Variants in KCNH5 observed in about 807,000 individuals in gnomAD.
KCNH5 encodes the protein voltage-gated delayed rectifier potassium channel KCNH5.
KCNH5 carries 46 observed loss-of-function variants against 96.1 expected under a neutral mutation model. That is an observed-to-expected ratio of 0.48 (90% CI 0.38 to 0.61). KCNH5 has a LOEUF of 0.61. Ranked by LOEUF, KCNH5 falls within the 20% of genes least tolerant of loss-of-function variation. The pLI is 0.00. For missense variants in KCNH5, 907 were observed against 1,225.8 expected (o/e 0.74, Z 3.88); for synonymous variants, 439 against 449.8 (o/e 0.98, Z 0.30).
intron 10 of KCNH5, among the ~76,000 whole-genome samples, chr14:62,727,775 TAAAAA>T (rs79827478): frequency 8.6e-6 from 1 of 116,058 alleles, no homozygotes. Context: ...TACAGTCTGG[TAAAAA>T]AAAAAAAAAA....
At chr14:62,928,744 C>T (rs1889523198) in intron 7 of KCNH5, among the ~76,000 whole-genome samples, 1 of 152,050 alleles carries the variant, frequency 6.6e-6, no homozygotes, top group African/African-American at 2.4e-5. Flanking sequence ...GAAACACTTT[C>T]CTCAGCTGAC....
At chr14:62,763,261 C>T (rs1885791383) in intron 10 of KCNH5, among the ~76,000 whole-genome samples, 1 of 152,034 alleles carries the variant, frequency 6.6e-6, no homozygotes, top group Admixed American at 6.5e-5. Flanking sequence ...CATACAATTA[C>T]ATGGAAATTA....
intron 9 of KCNH5, among the ~76,000 whole-genome samples, chr14:62,793,394 A>G (rs549537989): frequency 5.5e-4 from 84 of 151,932 alleles, no homozygotes; most frequent in Middle Eastern, 3.4e-3. Flanking sequence ...GAGTGTTTGC[A>G]TATACACAGA....
chr14:62,903,594 G>T (rs1422139923), intron 7 of KCNH5, among the ~76,000 whole-genome samples: 2 of 152,174 alleles, frequency 1.3e-5, no homozygotes. Context: ...CTTAGCCCGT[G>T]TAGGATGCTG....
chr14:62,950,858 G>A (rs191966421), intron 6 of KCNH5, among the ~76,000 whole-genome samples: 16 of 152,204 alleles, frequency 1.1e-4, no homozygotes, highest in East Asian at 7.7e-4. Flanking sequence ...GAGAGAAACC[G>A]AAGATGAAAA....
chr14:63,020,807 A>C (rs1891412191), intron 1 of KCNH5, among the ~76,000 whole-genome samples: 1 of 152,100 alleles, frequency 6.6e-6, no homozygotes, highest in Non-Finnish European at 1.5e-5. Context: ...TAAAACACAC[A>C]AAGAGGACAA....
At chr14:62,969,942 G>A (rs1941078143) in intron 6 of KCNH5, among the ~76,000 whole-genome samples, 1 of 144,240 alleles carries the variant, frequency 6.9e-6, no homozygotes. Context: ...TGCGCCTGTA[G>A]CATGAGAATC....
chr14:62,794,087 C>G (rs1385972038), intron 9 of KCNH5, among the ~76,000 whole-genome samples: 1 of 151,818 alleles, frequency 6.6e-6, no homozygotes, highest in East Asian at 1.9e-4. Flanking sequence ...GTCCTAAACA[C>G]CTTCCTCATG....
At chr14:62,820,405 G>A (rs1197829648) in intron 8 of KCNH5, among the ~76,000 whole-genome samples, 4 of 150,252 alleles carry the variant, frequency 2.7e-5, no homozygotes, top group African/African-American at 9.9e-5. Flanking sequence ...GGAGTGCAGT[G>A]GGGGTTTGTT....
chr14:62,880,420 A>T (rs1888469286), intron 7 of KCNH5, among the ~76,000 whole-genome samples: 1 of 152,220 alleles, frequency 6.6e-6, no homozygotes, highest in Non-Finnish European at 1.5e-5. Flanking sequence ...TAAGTTTTAA[A>T]ACTTCTTTCA....
At chr14:62,835,056 A>C (rs1282151938) in intron 8 of KCNH5, among the ~76,000 whole-genome samples, 1 of 152,008 alleles carries the variant, frequency 6.6e-6, no homozygotes, top group Non-Finnish European at 1.5e-5. Flanking sequence ...TATAATAAGA[A>C]AATAAACAAA....
At chr14:62,827,670 C>T (rs117984651) in intron 8 of KCNH5, among the ~76,000 whole-genome samples, 2,795 of 152,090 alleles carry the variant, frequency 0.018, 46 homozygotes, top group Admixed American at 0.029. Flanking sequence ...CTGTAAGTGA[C>T]CAGGTTTTTT....
chr14:62,971,397 T>G (rs1054248055), intron 6 of KCNH5, among the ~76,000 whole-genome samples: 1 of 152,180 alleles, frequency 6.6e-6, no homozygotes, highest in African/African-American at 2.4e-5. Flanking sequence ...TGTTCATGGA[T>G]AGTAAGACTC....
intron 6 of KCNH5, among the ~76,000 whole-genome samples, chr14:62,965,959 G>A (rs1350140998): frequency 6.6e-6 from 1 of 152,090 alleles, no homozygotes; most frequent in South Asian, 2.1e-4. Flanking sequence ...CTAAAAATCT[G>A]TAATCTATGG....
intron 7 of KCNH5, among the ~76,000 whole-genome samples, chr14:62,851,645 A>G (rs1566682011): frequency 6.6e-6 from 1 of 152,110 alleles, no homozygotes; most frequent in Non-Finnish European, 1.5e-5. Context: ...ACATTTTCAG[A>G]AAAGAGAAAT....
At chr14:62,893,495 C>T (rs1286298154) in intron 7 of KCNH5, among the ~76,000 whole-genome samples, 1 of 152,184 alleles carries the variant, frequency 6.6e-6, no homozygotes, top group Non-Finnish European at 1.5e-5. Context: ...ATGGCTCAAG[C>T]CTGTAATCCC....
rs1228204070 is a variant in KCNH5 at position 62,803,191 on chromosome 14, C to A, written c.1570-610G>T. Among the ~76,000 whole-genome samples the A allele has an allele frequency of 2.6e-5, 4 of 152,052 alleles. No individual in the cohort carries two copies. In the East Asian group the frequency reaches 7.7e-4, roughly 29 times the overall value. ...CAGTTTTGAGGTGGTCAAGAAGAGT[C>A]TCATAAAAAAGTTAATGTCATTTCA... On this transcript the variant is annotated intron_variant, in intron 8 of 10. Coordinates refer to ENST00000322893, the MANE Select transcript of KCNH5 (RefSeq NM_139318.5).
intron 6 of KCNH5, among the ~76,000 whole-genome samples, chr14:62,962,362 T>C (rs1287628694): frequency 6.6e-6 from 1 of 152,194 alleles, no homozygotes; most frequent in African/African-American, 2.4e-5. Context: ...AATCATTCAC[T>C]ATCTCTGATG....
chr14:62,740,734 C>T (rs1241305084), intron 10 of KCNH5, among the ~76,000 whole-genome samples: 1 of 152,092 alleles, frequency 6.6e-6, no homozygotes, highest in East Asian at 1.9e-4. Flanking sequence ...GTGAACTCTG[C>T]ATTGCACAGC....
Sources: allele counts gnomAD v4.1 joint callset (sites outside exome capture counted in the v4.1 genomes callset), GRCh38; gene constraint gnomAD v4.1.1; transcripts MANE v1.5; gene names NCBI Gene and HGNC (gene_info 2026-07-23, HGNC 2026-07-21).